PALM: variants seen among roughly 807,000 people sequenced by gnomAD.
PALM encodes paralemmin.
PALM carries 18 observed loss-of-function variants against 30.7 expected under a neutral mutation model. The ratio of observed to expected loss-of-function variants is 0.59; its 90% confidence interval spans 0.41 to 0.87. PALM has a LOEUF of 0.87. Ranked by LOEUF, PALM falls within the 40% of genes least tolerant of loss-of-function variation. PALM has a pLI of 0.00. For missense variants in PALM, 529 were observed against 555.4 expected (o/e 0.95, Z 0.48); for synonymous variants, 286 against 242.8 (o/e 1.18, Z -1.66).
intron 1 of PALM, among the ~76,000 whole-genome samples, chr19:718,218 C>T (rs1458652168): frequency 1.3e-5 from 2 of 152,102 alleles, no homozygotes; most frequent in African/African-American, 2.4e-5. Context: ...TAAAGTGATC[C>T]GGGTGGTGAC....
rs1034205750 is a variant in PALM, at chr19:727,047, C to T, written c.97C>T (p.Arg33Trp). Residue 33 changes from arginine to tryptophan, a missense_variant, in exon 3 of 9, where the codon CGG becomes TGG. Coordinates refer to ENST00000338448, the MANE Select transcript of PALM (RefSeq NM_002579.3). ...KRQAEIENKR[R>W]QLEDERRQLQ... ...GCAGGCGGAGATCGAGAACAAGCGC[C>T]GGCAGCTGGAGGACGAGCGGAGGCA... is the stretch of plus-strand genomic sequence containing the variant. 6 of 1,548,776 alleles carry T rather than the reference C, an allele frequency of 3.9e-6. No individual in the cohort carries two copies. The highest frequency in any genetic ancestry group is 4.4e-6 in the Non-Finnish European group (5 of 1,146,402).
Position 746,231 on chromosome 19 carries a change from T to A in PALM, c.635-54T>A, listed in dbSNP as rs1183133574. 6.8e-7 allele frequency: 1 copy of A among 1,480,954 alleles called. No individual in the cohort carries two copies. Among genetic ancestry groups the A allele is most frequent in the Non-Finnish European group, 9.3e-7 (1 of 1,073,022 alleles). 91.7% of individuals were successfully genotyped at this position (1,480,954 alleles called of 1,614,324 possible). Reference sequence around the variant, plus strand: ...CCCTCCTGCCTGAGCCAGGTCACTCTCTCTGTCCCTCCTGCCTGGAGCTGG... The same window carrying A: ...CCCTCCTGCCTGAGCCAGGTCACTCACTCTGTCCCTCCTGCCTGGAGCTGG... On this transcript the variant is annotated intron_variant, in intron 8 of 8. Transcript: ENST00000338448. This position sits in a 1 kb window ranked among gnomAD's most constrained non-coding sequence, Gnocchi z 7.1.
At chr19:741,296 T>G (rs1246005256) in intron 8 of PALM, among the ~76,000 whole-genome samples, 1 of 151,626 alleles carries the variant, frequency 6.6e-6, no homozygotes, top group Non-Finnish European at 1.5e-5. Flanking sequence ...ACGCAGTGCA[T>G]GGGAACCACA....
At position 727,070 on chromosome 19, in the gene PALM, G is replaced by A. The variant is rs2032691228; in HGVS notation, c.120G>A (p.Arg40=). The change falls in exon 3 of 9, where the codon AGG becomes AGA. Residue 40 remains arginine, a synonymous_variant. Transcript: ENST00000338448. ...GCCGGCAGCTGGAGGACGAGCGGAG[G>A]CAGCTGCAGCACCTGAAGGTACGAG... is the stretch of plus-strand genomic sequence containing the variant. The part of the protein sequence containing the change: ...NKRRQLEDER[R]QLQHLKSKAL... 2 of 1,548,184 alleles carry A rather than the reference G, an allele frequency of 1.3e-6. No homozygotes were observed. The highest frequency in any genetic ancestry group is 1.7e-6 in the Non-Finnish European group (2 of 1,145,374).
intron 3 of PALM, among the ~76,000 whole-genome samples, chr19:727,307 T>G (rs955460844): frequency 4.1e-5 from 4 of 97,708 alleles, no homozygotes; most frequent in African/African-American, 1.6e-4. Flanking sequence ...ACCCCGACCC[T>G]GACCCTGATC....
chr19:725,192 A>G (rs1246888528), intron 1 of PALM, among the ~76,000 whole-genome samples: 1 of 150,370 alleles, frequency 6.7e-6, no homozygotes. Flanking sequence ...GCCCCCTGAT[A>G]TTTGTTAAGC....
In PALM at chr19:712,089, C is replaced by A. The variant is rs577351613; in HGVS notation, c.5+2938C>A. 7.2e-5 allele frequency among the ~76,000 whole-genome samples: 11 copies of A among 152,018 alleles called. No homozygotes were observed. In the South Asian group the frequency reaches 2.3e-3, roughly 31 times the overall value. On this transcript the variant is annotated intron_variant, in intron 1 of 8. Transcript: ENST00000338448. The stretch of plus-strand genomic sequence containing the variant: ...CCACACTGGAGTGCAGTGCTGCGAT[C>A]TCCACTCACTGCAACCTCCGCCTCC...
rs760106509 is a variant in PALM, at chr19:731,162, G to C, written c.337G>C (p.Ala113Pro). ...CCCAGCCACTGCCAAGGAGAACGCGGCGGCCCCGAGCCCAGTCCGGGCCCC... is the reference window on the plus strand; with the variant it reads ...CCCAGCCACTGCCAAGGAGAACGCGCCGGCCCCGAGCCCAGTCCGGGCCCC... ...SAPATAKENAAAPSPVRAPAP... is the reference protein window; with the variant it reads ...SAPATAKENAPAPSPVRAPAP... The change falls in exon 5 of 9, where the codon GCG (alanine) becomes CCG (proline). Residue 113 changes from alanine (A) to proline (P), a missense_variant. Physicochemically the swap from Ala to Pro is conservative, Grantham distance 27. Transcript: ENST00000338448. 1.2e-6 allele frequency: 2 copies of C among 1,609,322 alleles called. 1 individual carries two copies. The highest frequency in any genetic ancestry group is 2.2e-5 in the South Asian group (2 of 90,484).
intron 1 of PALM, among the ~76,000 whole-genome samples, chr19:724,056 C>T: frequency 6.6e-6 from 1 of 152,112 alleles, no homozygotes; most frequent in East Asian, 1.9e-4. Flanking sequence ...TCCGTGTGAA[C>T]CACGGGGCTG....
In PALM at chr19:743,581, C is replaced by T. The variant is rs562483404; in HGVS notation, c.635-2704C>T. Among the ~76,000 whole-genome samples the T allele has an allele frequency of 1.1e-4, 17 of 152,318 alleles. No individual in the cohort carries two copies. In the South Asian group the frequency reaches 2.9e-3, roughly 26 times the overall value. Reference sequence around the variant, plus strand: ...AGAAACTGAAAGTGGAGAACACTTTCCTTCTGGTCTGTAGCCAGGAACAGG... The same window carrying T: ...AGAAACTGAAAGTGGAGAACACTTTTCTTCTGGTCTGTAGCCAGGAACAGG... On this transcript the variant is annotated intron_variant, in intron 8 of 8. Coordinates refer to ENST00000338448, the MANE Select transcript of PALM (RefSeq NM_002579.3).
At chr19:723,080 G>A (rs1259076051) in intron 1 of PALM, among the ~76,000 whole-genome samples, 1 of 152,108 alleles carries the variant, frequency 6.6e-6, no homozygotes, top group African/African-American at 2.4e-5. Flanking sequence ...CCCAGGCGGG[G>A]CTGGGGGTGA....
At position 744,004 on chromosome 19, in the gene PALM, T is replaced by C. The variant is rs2283586; in HGVS notation, c.635-2281T>C. On this transcript the variant is annotated intron_variant, in intron 8 of 8. Coordinates refer to ENST00000338448, the MANE Select transcript of PALM (RefSeq NM_002579.3). ...TTAACAGAGTTTGTATCTTCTGCTC[T>C]GTGTTCCTCTCCTCCCTGAAATTTA... Among the ~76,000 whole-genome samples the C allele has an allele frequency of 0.03, 4,589 of 152,324 alleles. 381 individuals carry two copies. The East Asian group carries it at 0.34, about 11-fold the overall frequency.
rs567356479 is a variant in PALM at position 726,950 on chromosome 19, TG to T, written c.58-51del. 5,869 of 864,136 alleles carry T rather than the reference TG, an allele frequency of 6.8e-3. 60 individuals carry two copies. The highest frequency in any genetic ancestry group is 7.3e-3 in the Non-Finnish European group (4,221 of 581,364). 53.5% of individuals were successfully genotyped at this position (864,136 alleles called of 1,614,324 possible). A position where few individuals can be genotyped will look rare whatever the true frequency, so the allele number is the denominator to read the frequency against. On this transcript the variant is annotated intron_variant, in intron 2 of 8. Coordinates refer to ENST00000338448, the MANE Select transcript of PALM (RefSeq NM_002579.3). ...GGCTGGGCAGAGCCTTGTGTGGGGG[TG>T]GGGGGGTCTCCGGGACCCCCACGCC...
intron 1 of PALM, among the ~76,000 whole-genome samples, chr19:713,677 C>T (rs866995332): frequency 1.9e-4 from 29 of 152,122 alleles, no homozygotes; most frequent in South Asian, 1.5e-3. Flanking sequence ...CTCCTGGGTT[C>T]ACGCGATTCT....
At chr19:724,440 C>T (rs886542833) in intron 1 of PALM, among the ~76,000 whole-genome samples, 5 of 151,698 alleles carry the variant, frequency 3.3e-5, no homozygotes, top group African/African-American at 1.2e-4. Flanking sequence ...CCTGTCTCGG[C>T]CTCCAAGTAG....
At chr19:715,945 G>A (rs1435893731) in intron 1 of PALM, among the ~76,000 whole-genome samples, 1 of 152,138 alleles carries the variant, frequency 6.6e-6, no homozygotes. Context: ...CGTCCTCTAG[G>A]AGGATGGCTG....
chr19:719,988 C>T (rs1265094862), intron 1 of PALM, among the ~76,000 whole-genome samples: 1 of 152,162 alleles, frequency 6.6e-6, no homozygotes, highest in African/African-American at 2.4e-5. Context: ...GGCTACCCGG[C>T]GTCGGGGGCG....
In PALM at chr19:746,438, C is replaced by A; in HGVS notation, c.788C>A (p.Ala263Glu). Residue 263 changes from alanine (A) to glutamate (E), a missense_variant, in exon 9 of 9, where the codon GCA (alanine) becomes GAA (glutamate). Transcript: ENST00000338448. The surrounding 1 kb of genome is among the most constrained non-coding windows in gnomAD (Gnocchi z 7.1). ...AAETRGAVEG[A>E]ARTTPSRREI... Reference sequence around the variant, plus strand: ...GAGACCCGGGGGGCTGTGGAGGGGGCAGCCCGGACCACGCCCTCCCGGCGG... The same window carrying A: ...GAGACCCGGGGGGCTGTGGAGGGGGAAGCCCGGACCACGCCCTCCCGGCGG... 6.2e-7 allele frequency: 1 copy of A among 1,609,098 alleles called. No individual in the cohort carries two copies. The highest frequency in any genetic ancestry group is 8.5e-7 in the Non-Finnish European group (1 of 1,177,736).
intron 4 of PALM, 37 bp from the exon 5 acceptor site, chr19:731,058 T>C (rs771426189): frequency 2.1e-6 from 3 of 1,458,546 alleles, no homozygotes; most frequent in Non-Finnish European, 2.8e-6. Context: ...CCACCGGGGA[T>C]GCAGGAGTCA....
Sources: gnomAD v4.1 joint callset for allele counts (sites outside exome capture counted in the v4.1 genomes callset) on GRCh38, gnomAD v4.1.1 for gene constraint, Gnocchi (gnomAD v3.1) non-coding constraint, MANE v1.5 for transcripts, NCBI Gene and HGNC (gene_info 2026-07-23, HGNC 2026-07-21) for gene names.